The following ATP8B4 variants were observed in gnomAD, a reference collection of about 807,000 sequenced individuals.
The protein encoded by ATP8B4 is probable phospholipid-transporting ATPase IM.
In ATP8B4, 133 loss-of-function variants were observed where a neutral mutation model predicts 145.6. The observed-to-expected ratio is 0.91, with a 90% CI of 0.79 to 1.05. The LOEUF (loss-of-function observed/expected upper bound fraction) is 1.05, where lower values mean the gene tolerates loss of function less well. Among genes scored for constraint, ATP8B4 ranks in the 50% least tolerant of loss-of-function variants. The pLI, the probability that ATP8B4 is intolerant of heterozygous loss-of-function variation, is 0.00. For missense variants in ATP8B4, 1,458 were observed against 1,425.2 expected, an observed-to-expected ratio of 1.02 and a Z score of -0.37; for synonymous variants, 507 against 492.9, an observed-to-expected ratio of 1.03 and a Z score of -0.38.
At chr15:50,172,338 T>C (rs991150268) in intron 1 of ATP8B4, among the ~76,000 whole-genome samples, 1 of 152,258 alleles carries the variant, frequency 6.6e-6, no homozygotes, top group Non-Finnish European at 1.5e-5. Context: ...GAGACGGGGT[T>C]TCCCCCTCTT....
Position 49,972,736 on chromosome 15 carries a change from C to T in ATP8B4, c.1089G>A (p.Met363Ile). The change falls in exon 13 of 28, where the codon ATG becomes ATA. Residue 363 changes from methionine to isoleucine, a missense_variant. By Grantham distance (10) the Met-to-Ile change is conservative (BLOSUM62 1). Transcript: ENST00000284509. ...CAGGTATTGCTTTTCGAGAATAATA[C>T]ATCTTCCGGTCCCAGTTTATAAAAT... is the stretch of plus-strand genomic sequence containing the variant. ...HSYFINWDRK[M>I]YYSRKAIPAV... The T allele has an allele frequency of 6.2e-7, 1 of 1,614,008 alleles. No homozygotes were observed. Among genetic ancestry groups the T allele is most frequent in the African/African-American group, 1.3e-5 (1 of 75,026 alleles).
chr15:49,901,087 C>G lies in ATP8B4; in HGVS notation c.2289+5G>C, dbSNP rs1304385352. 1 of 1,610,530 alleles carries G rather than the reference C, an allele frequency of 6.2e-7. No homozygotes were observed. The highest frequency in any genetic ancestry group is 8.5e-7 in the Non-Finnish European group (1 of 1,178,002). On this transcript the variant is annotated splice_donor_5th_base_variant and intron_variant, in intron 21 of 27. Coordinates refer to ENST00000284509, the MANE Select transcript of ATP8B4 (RefSeq NM_024837.4). ...AGAAAGGACAAAAACCTTAGGCAAA[C>G]TCACCAAACTGTGGCCATTTATGAT...
At chr15:50,147,143 C>T (rs1333519038) in intron 1 of ATP8B4, among the ~76,000 whole-genome samples, 14 of 152,068 alleles carry the variant, frequency 9.2e-5, no homozygotes, top group African/African-American at 2.7e-4. Context: ...TAGCCAGGCA[C>T]GGTGGCTCAC....
chr15:49,994,321 C>T (rs2047253483), intron 9 of ATP8B4, among the ~76,000 whole-genome samples: 1 of 152,140 alleles, frequency 6.6e-6, no homozygotes, highest in African/African-American at 2.4e-5. Flanking sequence ...CATCGTTTCA[C>T]ACTCTCTTCC....
intron 1 of ATP8B4, among the ~76,000 whole-genome samples, chr15:50,108,557 C>T (rs1323425022): frequency 6.6e-6 from 1 of 152,160 alleles, no homozygotes; most frequent in African/African-American, 2.4e-5. Flanking sequence ...AAATATACAA[C>T]TCAGCCTCTT....
intron 1 of ATP8B4, among the ~76,000 whole-genome samples, chr15:50,142,248 C>G (rs569969081): frequency 6.6e-5 from 10 of 152,300 alleles, no homozygotes. Flanking sequence ...AGGAAGCCAA[C>G]AGTGATGTTC....
intron 3 of ATP8B4, among the ~76,000 whole-genome samples, chr15:50,066,244 A>T (rs1273363167): frequency 6.6e-6 from 1 of 152,164 alleles, no homozygotes; most frequent in African/African-American, 2.4e-5. Flanking sequence ...GCCATGTCAA[A>T]CTTAGAATAA....
chr15:50,129,657 G>C (rs1039488264), intron 1 of ATP8B4, among the ~76,000 whole-genome samples: 2 of 152,126 alleles, frequency 1.3e-5, no homozygotes, highest in South Asian at 2.1e-4. Context: ...TGAATTTTGG[G>C]CCACACTATT....
At chr15:50,053,684 G>A (rs761895650) in intron 3 of ATP8B4, among the ~76,000 whole-genome samples, 11 of 151,996 alleles carry the variant, frequency 7.2e-5, no homozygotes, top group Non-Finnish European at 1.6e-4. Flanking sequence ...AGTGGCCAAA[G>A]TCCTTTATAT....
intron 5 of ATP8B4, among the ~76,000 whole-genome samples, chr15:50,039,642 A>AC (rs2051117848): frequency 6.6e-6 from 1 of 152,254 alleles, no homozygotes; most frequent in African/African-American, 2.4e-5. Flanking sequence ...AAATTAGCCT[A>AC]CATGCACAGA....
intron 6 of ATP8B4, among the ~76,000 whole-genome samples, chr15:50,026,351 G>C (rs538471884): frequency 6.6e-6 from 1 of 152,138 alleles, no homozygotes; most frequent in African/African-American, 2.4e-5. Flanking sequence ...CCCATGAAGT[G>C]CTCATTAAAA....
chr15:49,947,180 C>T (rs1451251219), intron 14 of ATP8B4, among the ~76,000 whole-genome samples: 2 of 152,056 alleles, frequency 1.3e-5, no homozygotes, highest in Non-Finnish European at 2.9e-5. Flanking sequence ...TGCTTGTAAT[C>T]CCAGCATTTT....
At chr15:49,917,146 G>T (rs1036635769) in intron 19 of ATP8B4, 107 bp from the exon 20 acceptor site, 2 of 1,019,466 alleles carry the variant, frequency 2.0e-6, no homozygotes, top group Non-Finnish European at 1.5e-6. Flanking sequence ...AGCCTACAGG[G>T]GGCTGATGTC....
At chr15:50,112,374 T>C (rs2056988066) in intron 1 of ATP8B4, among the ~76,000 whole-genome samples, 1 of 152,012 alleles carries the variant, frequency 6.6e-6, no homozygotes, top group African/African-American at 2.4e-5. Flanking sequence ...GGTGGGGATC[T>C]TCTACTTCCT....
At chr15:50,028,558 C>T (rs1396395130) in intron 6 of ATP8B4, among the ~76,000 whole-genome samples, 2 of 152,150 alleles carry the variant, frequency 1.3e-5, no homozygotes, top group Non-Finnish European at 2.9e-5. Context: ...GCTCACACAC[C>T]TTACCCAGAA....
At chr15:50,072,978 C>G (rs7183774) in intron 3 of ATP8B4, among the ~76,000 whole-genome samples, 12 of 21,474 alleles carry the variant, frequency 5.6e-4, no homozygotes, top group African/African-American at 2.5e-3. Context: ...CTCTCTCTCT[C>G]TCTATATATA....
intron 20 of ATP8B4, among the ~76,000 whole-genome samples, chr15:49,908,774 C>T (rs1347005136): frequency 6.6e-6 from 1 of 152,240 alleles, no homozygotes. Flanking sequence ...CCACCACTGC[C>T]ACCACTGCCA....
intron 7 of ATP8B4, chr15:50,009,614 C>T: frequency 1.1e-5 from 5 of 445,758 alleles, no homozygotes; most frequent in South Asian, 8.0e-5. Flanking sequence ...ACCTTGATTC[C>T]ACGCACAGAG....
intron 6 of ATP8B4, among the ~76,000 whole-genome samples, chr15:50,020,668 C>T (rs561431713): frequency 1.3e-5 from 2 of 152,316 alleles, no homozygotes; most frequent in Admixed American, 1.3e-4. Context: ...ACCACCACCA[C>T]CACATGCTTC....
Sources: gnomAD v4.1 joint callset for allele counts (sites outside exome capture counted in the v4.1 genomes callset) on GRCh38, gnomAD v4.1.1 for gene constraint, MANE v1.5 for transcripts, NCBI Gene and HGNC (gene_info 2026-07-23, HGNC 2026-07-21) for gene names.